Variants in SFRP1 observed in about 807,000 individuals in gnomAD.
SFRP1 encodes the protein secreted frizzled-related protein 1.
A neutral mutation model predicts 25.9 loss-of-function variants in SFRP1; 9 were observed. That is an observed-to-expected ratio of 0.35 (90% CI 0.21 to 0.61). The LOEUF (loss-of-function observed/expected upper bound fraction) is 0.61. Among genes scored for constraint, SFRP1 ranks in the 20% least tolerant of loss-of-function variants. The probability of loss-of-function intolerance (pLI) is 0.78; values close to 1 mark genes in which losing one functional copy is unlikely to be tolerated. For synonymous variants in SFRP1, 178 were observed against 174.0 expected (o/e 1.02, Z -0.18); for missense variants, 346 against 418.2 (o/e 0.83, Z 1.51).
chr8:41,291,454 T>C (rs1803778630), intron 2 of SFRP1, among the ~76,000 whole-genome samples: 1 of 152,174 alleles, frequency 6.6e-6, no homozygotes, highest in Non-Finnish European at 1.5e-5. Context: ...TGATCTCCAC[T>C]GGGATTATCT....
chr8:41,275,132 G>A (rs1162213663), intron 2 of SFRP1: 8 of 433,066 alleles, frequency 1.8e-5, no homozygotes, highest in South Asian at 3.3e-5. Context: ...TGGAAGAGAC[G>A]TTAAATCTGG....
intron 2 of SFRP1, among the ~76,000 whole-genome samples, chr8:41,275,924 T>C (rs914078058): frequency 3.9e-5 from 6 of 152,160 alleles, no homozygotes; most frequent in African/African-American, 1.2e-4. Context: ...TTTTTTAATT[T>C]TTGTGTAGAA....
Position 41,265,052 on chromosome 8 carries a change from A to G in SFRP1, c.*115T>C. ...TGCAAGAACAAGCCGACTGGATTACAATGTCCACTACTGACAGGCGCAGTG... is the reference window on the plus strand; with the variant it reads ...TGCAAGAACAAGCCGACTGGATTACGATGTCCACTACTGACAGGCGCAGTG... On this transcript the variant is annotated 3_prime_UTR_variant, in exon 3 of 3. Transcript: ENST00000220772. 2.9e-6 allele frequency: 2 copies of G among 701,140 alleles called. No individual in the cohort carries two copies. Among genetic ancestry groups the G allele is most frequent in the South Asian group, 3.8e-5 (2 of 52,652 alleles). The allele number at this position is 701,140 out of a possible 1,614,324, so 43.4% of individuals were successfully genotyped here. A position where few individuals can be genotyped will look rare whatever the true frequency, so the allele number is the denominator to read the frequency against.
chr8:41,294,675 C>T (rs1314139278), intron 2 of SFRP1, among the ~76,000 whole-genome samples: 1 of 152,192 alleles, frequency 6.6e-6, no homozygotes, highest in African/African-American at 2.4e-5. Context: ...ATTACCTGCA[C>T]ATCAATCCCT....
At chr8:41,293,875 C>T (rs965800507) in intron 2 of SFRP1, among the ~76,000 whole-genome samples, 11 of 151,936 alleles carry the variant, frequency 7.2e-5, no homozygotes, top group African/African-American at 2.7e-4. Flanking sequence ...CGGGCTCAGA[C>T]GCACATCCCA....
At chr8:41,277,429 G>A (rs1034783259) in intron 2 of SFRP1, among the ~76,000 whole-genome samples, 3 of 152,154 alleles carry the variant, frequency 2.0e-5, no homozygotes, top group Admixed American at 6.5e-5. Context: ...TTGAAATGTG[G>A]GATGGTCTCC....
In SFRP1 at chr8:41,265,586, A is replaced by G; in HGVS notation, c.623-97T>C. 4.9e-6 allele frequency: 4 copies of G among 822,888 alleles called. No individual in the cohort carries two copies. The South Asian group carries it at 8.6e-5, about 18-fold the overall frequency. The allele number at this position is 822,888 out of a possible 1,614,324, so 51.0% of individuals were successfully genotyped here. A position where few individuals can be genotyped will look rare whatever the true frequency, so the allele number is the denominator to read the frequency against. On this transcript the variant is annotated intron_variant, in intron 2 of 2. Transcript: ENST00000220772. ...TTGATCCTCAAAGTGATTGCATTTT[A>G]TTATTTTATTTTTTGGCTTATACTT... is the stretch of plus-strand genomic sequence containing the variant.
At position 41,308,601 on chromosome 8, in the gene SFRP1, A is replaced by G; in HGVS notation, c.544+15T>C. The stretch of plus-strand genomic sequence containing the variant: ...GGAGGGGGCGGCTCGCGCACGTGGG[A>G]GGAGGCAGCCTTACCTTGGGGCTTG... On this transcript the variant is annotated intron_variant, in intron 1 of 2. Transcript: ENST00000220772. 6.4e-7 allele frequency: 1 copy of G among 1,562,372 alleles called. No individual in the cohort carries two copies.
rs919293164 is a variant in SFRP1 at position 41,264,265 on chromosome 8, A to G, written c.*902T>C. The G allele has an allele frequency of 3.3e-5, 5 of 152,260 alleles. No homozygotes were observed. The highest frequency in any genetic ancestry group is 1.2e-4 in the African/African-American group (5 of 41,464). The allele number at this position is 152,260 out of a possible 1,614,324, so 9.4% of individuals were successfully genotyped here. ...ATTAGAATCCTAAGCTCTTCACCCA[A>G]TTTCACAATTCACCCTGACTAGCAA... On this transcript the variant is annotated 3_prime_UTR_variant, in exon 3 of 3. Transcript: ENST00000220772.
intron 1 of SFRP1, among the ~76,000 whole-genome samples, chr8:41,305,960 A>T (rs1803990549): frequency 6.6e-6 from 1 of 152,254 alleles, no homozygotes; most frequent in African/African-American, 2.4e-5. Flanking sequence ...TAAATGCACA[A>T]CATGCCCAAG....
At chr8:41,281,943 AG>A (rs1244791956) in intron 2 of SFRP1, among the ~76,000 whole-genome samples, 1 of 152,186 alleles carries the variant, frequency 6.6e-6, no homozygotes, top group East Asian at 1.9e-4. Context: ...CAAGTTTCAA[AG>A]GGTCCTCATT....
chr8:41,299,521 A>AT (rs1803886568), intron 2 of SFRP1, among the ~76,000 whole-genome samples: 1 of 47,858 alleles, frequency 2.1e-5, no homozygotes. Flanking sequence ...AAAAAAAAAA[A>AT]AAAAAGAAGT....
At position 41,265,077 on chromosome 8, in the gene SFRP1, G is replaced by A. The variant is rs189793665; in HGVS notation, c.*90C>T. 8 of 861,690 alleles carry A rather than the reference G, an allele frequency of 9.3e-6. No homozygotes were observed. In the Admixed American group the frequency reaches 1.9e-4, roughly 20 times the overall value. 53.4% of individuals were successfully genotyped at this position (861,690 alleles called of 1,614,324 possible). A position where few individuals can be genotyped will look rare whatever the true frequency, so the allele number is the denominator to read the frequency against. ...AATGTCCACTACTGACAGGCGCAGT[G>A]CGTGTGTGTGACCCACCGGGTTCCC... On this transcript the variant is annotated 3_prime_UTR_variant, in exon 3 of 3. Coordinates refer to ENST00000220772, the MANE Select transcript of SFRP1 (RefSeq NM_003012.5).
In SFRP1 at chr8:41,265,112, T is replaced by TACCCC; in HGVS notation, c.*54_*55insGGGGT. ...GACCCACCGGGTTCCCGGGGCACTG[T>TACCCC]CCCCCCCGCTCCCACCCCACCCGAG... On this transcript the variant is annotated 3_prime_UTR_variant, in exon 3 of 3. Coordinates refer to ENST00000220772, the MANE Select transcript of SFRP1 (RefSeq NM_003012.5). The TACCCC allele has an allele frequency of 7.5e-5, 39 of 517,736 alleles. No homozygotes were observed. Among genetic ancestry groups the TACCCC allele is most frequent in the East Asian group, 1.4e-4 (4 of 28,052 alleles). The allele number at this position is 517,736 out of a possible 1,614,324, so 32.1% of individuals were successfully genotyped here.
intron 2 of SFRP1, among the ~76,000 whole-genome samples, chr8:41,294,723 C>G (rs16890434): frequency 6.6e-6 from 1 of 152,114 alleles, no homozygotes; most frequent in Non-Finnish European, 1.5e-5. Flanking sequence ...ATGCTTACAG[C>G]CCCCCAAACC....
chr8:41,264,927 G>A lies in SFRP1; in HGVS notation c.*240C>T, dbSNP rs1259299291. The A allele has an allele frequency of 4.2e-6, 2 of 480,548 alleles. No individual in the cohort carries two copies. Among genetic ancestry groups the A allele is most frequent in the Non-Finnish European group, 7.3e-6 (2 of 272,128 alleles). 29.8% of individuals were successfully genotyped at this position (480,548 alleles called of 1,614,324 possible). ...GCAGTGGCTGCTGCTCCACATTGCG[G>A]ATCTTAAAAACCTTCCTAATCTAAA... On this transcript the variant is annotated 3_prime_UTR_variant, in exon 3 of 3. Coordinates refer to ENST00000220772, the MANE Select transcript of SFRP1 (RefSeq NM_003012.5).
intron 2 of SFRP1, among the ~76,000 whole-genome samples, chr8:41,273,459 TC>T (rs1803535944): frequency 6.6e-6 from 1 of 152,086 alleles, no homozygotes. Flanking sequence ...GCCACTGCAC[TC>T]CAGCCTGGGC....
At chr8:41,274,527 A>G (rs551971074) in intron 2 of SFRP1, among the ~76,000 whole-genome samples, 67 of 152,376 alleles carry the variant, frequency 4.4e-4, no homozygotes, top group African/African-American at 1.5e-3. Flanking sequence ...CCTGTACTGG[A>G]AAGACAGTGC....
chr8:41,288,793 G>A (rs570119781), intron 2 of SFRP1, among the ~76,000 whole-genome samples: 8 of 152,266 alleles, frequency 5.3e-5, no homozygotes, highest in Non-Finnish European at 1.2e-4. Flanking sequence ...CCCATAGCAG[G>A]CTCTCTCCTA....
Sources: gnomAD v4.1 joint callset for allele counts (sites outside exome capture counted in the v4.1 genomes callset) on GRCh38, gnomAD v4.1.1 for gene constraint, MANE v1.5 for transcripts, NCBI Gene and HGNC (gene_info 2026-07-23, HGNC 2026-07-21) for gene names.